TEX15: variants seen among roughly 807,000 people sequenced by gnomAD.
TEX15 encodes testis expressed 15, meiosis and synapsis associated.
A neutral mutation model predicts 237.3 loss-of-function variants in TEX15; 171 were observed. The observed-to-expected ratio is 0.72, with a 90% CI of 0.64 to 0.82. TEX15 has a LOEUF of 0.82. Ranked by LOEUF, TEX15 falls within the 40% of genes least tolerant of loss-of-function variation. The pLI, the probability that TEX15 is intolerant of heterozygous loss-of-function variation, is 0.00. For synonymous variants in TEX15, 1,338 were observed against 1,269.8 expected (o/e 1.05, Z -1.14); for missense variants, 3,750 against 3,646.5 (o/e 1.03, Z -0.73).
chr8:30,900,590 G>T (rs981092363), intron 1 of TEX15, among the ~76,000 whole-genome samples: 4 of 152,214 alleles, frequency 2.6e-5, no homozygotes, highest in African/African-American at 9.6e-5. Context: ...CAACTGTCAT[G>T]TATAAGAAAG....
rs113069357 is a variant in TEX15, at chr8:30,881,357, T to C, written c.136+5810A>G. Among the ~76,000 whole-genome samples, 10 of 152,256 alleles carry C rather than the reference T, an allele frequency of 6.6e-5. 1 individual carries two copies. Among genetic ancestry groups the C allele is most frequent in the African/African-American group, 2.4e-4 (10 of 41,538 alleles). On this transcript the variant is annotated intron_variant, in intron 3 of 10. Coordinates refer to ENST00000643185, the MANE Select transcript of TEX15 (RefSeq NM_001350162.2). Reference sequence around the variant, plus strand: ...GTGAAACCATCTGGGCCTTAAACTTTCCTTTCTAACCATGAATTACATTTA... The same window carrying C: ...GTGAAACCATCTGGGCCTTAAACTTCCCTTTCTAACCATGAATTACATTTA...
intron 1 of TEX15, among the ~76,000 whole-genome samples, chr8:30,899,142 A>C (rs1468602859): frequency 6.6e-6 from 1 of 152,170 alleles, no homozygotes; most frequent in African/African-American, 2.4e-5. Flanking sequence ...TCTACTTGGG[A>C]AAACCACCTG....
intron 1 of TEX15, among the ~76,000 whole-genome samples, chr8:30,904,455 A>T (rs931708799): frequency 2.6e-5 from 4 of 152,080 alleles, no homozygotes; most frequent in African/African-American, 9.7e-5. Context: ...TCAAAAAAAA[A>T]AAAAAAAAAG....
chr8:30,833,111 T>C lies in TEX15; in HGVS notation c.*175A>G, dbSNP rs138430143. 2.7e-3 allele frequency: 1,306 copies of C among 489,566 alleles called. 30 individuals carry two copies. The Admixed American group carries it at 0.038, about 14-fold the overall frequency. 30.3% of individuals were successfully genotyped at this position (489,566 alleles called of 1,614,324 possible). ...ATTCTGGTATATCAGATGTTAGAAATTGATGTCCTATATGATATGTGTTAG... is the reference window on the plus strand; with the variant it reads ...ATTCTGGTATATCAGATGTTAGAAACTGATGTCCTATATGATATGTGTTAG... On this transcript the variant is annotated 3_prime_UTR_variant, in exon 11 of 11. Transcript: ENST00000643185.
At chr8:30,905,498 TA>T (rs1240054130) in intron 1 of TEX15, among the ~76,000 whole-genome samples, 6 of 152,056 alleles carry the variant, frequency 3.9e-5, no homozygotes, top group African/African-American at 1.4e-4. Flanking sequence ...AATTTTCCTC[TA>T]AAAAATTTAG....
At chr8:30,872,994 G>A (rs527271136) in intron 4 of TEX15, among the ~76,000 whole-genome samples, 28 of 152,246 alleles carry the variant, frequency 1.8e-4, no homozygotes, top group African/African-American at 6.5e-4. Flanking sequence ...ACAGGTATAC[G>A]ATATAGTTGA....
chr8:30,843,008 ATTT>A lies in TEX15; in HGVS notation c.7156_7158del (p.Lys2386del). 6.2e-7 allele frequency: 1 copy of A among 1,613,430 alleles called. No individual in the cohort carries two copies. The highest frequency in any genetic ancestry group is 8.5e-7 in the Non-Finnish European group (1 of 1,179,730). On this transcript the variant is annotated inframe_deletion, in exon 8 of 11. Coordinates refer to ENST00000643185, the MANE Select transcript of TEX15 (RefSeq NM_001350162.2). The stretch of plus-strand genomic sequence containing the variant: ...GTACATCTCAAGGTGAGATCCTGTA[ATTT>A]TTTAAGGTCTGCAAATTCAGCCTGA...
At position 30,846,968 on chromosome 8, in the gene TEX15, CTTCTAA is replaced by C. The variant is rs779981318; in HGVS notation, c.3193_3198del (p.Leu1065_Glu1066del). 78 of 1,613,680 alleles carry C rather than the reference CTTCTAA, an allele frequency of 4.8e-5. No homozygotes were observed. The Middle Eastern group carries it at 9.9e-4, about 20-fold the overall frequency. On this transcript the variant is annotated inframe_deletion, in exon 8 of 11. Transcript: ENST00000643185. ...TGAAATATAAAAGCATCATCACAAT[CTTCTAA>C]TTCTATTTCAATTTCACTTTCCAAT...
chr8:30,894,111 T>TA (rs1388640400), intron 2 of TEX15, among the ~76,000 whole-genome samples: 1 of 152,156 alleles, frequency 6.6e-6, no homozygotes, highest in African/African-American at 2.4e-5. Context: ...ATTTGGTTCT[T>TA]AAAAAAATCT....
chr8:30,894,606 G>A (rs2080719), intron 2 of TEX15, among the ~76,000 whole-genome samples: 10,689 of 152,208 alleles, frequency 0.07, 472 homozygotes, highest in African/African-American at 0.092. Context: ...CCATTCAGTG[G>A]GAGAAAGCAC....
chr8:30,849,221 C>T lies in TEX15; in HGVS notation c.946G>A (p.Asp316Asn). The T allele has an allele frequency of 6.5e-7, 1 of 1,536,292 alleles. No individual in the cohort carries two copies. Residue 316 changes from aspartate (D) to asparagine (N), a missense_variant, in exon 8 of 11, where the codon GAT becomes AAT. Asp to Asn is a conservative substitution (Grantham distance 23). Coordinates refer to ENST00000643185, the MANE Select transcript of TEX15 (RefSeq NM_001350162.2). ...VTFVHFKKPVDPFVQENCLCN... is the reference protein window; with the variant it reads ...VTFVHFKKPVNPFVQENCLCN... ...AAACAGTTTTCTTGAACAAATGGAT[C>T]TACAGGTTTCTTGAAATGCACAAAG... is the stretch of plus-strand genomic sequence containing the variant.
chr8:30,848,031 T>C lies in TEX15; in HGVS notation c.2136A>G (p.Gln712=). 6.2e-7 allele frequency: 1 copy of C among 1,613,988 alleles called. No individual in the cohort carries two copies. Among genetic ancestry groups the C allele is most frequent in the Non-Finnish European group, 8.5e-7 (1 of 1,179,962 alleles). ...ACAGGCTCTCAAAACTTGGAGTAAT[T>C]TGCCATTCCAATGCTAGATGATCTA... ...DELDHLALEW[Q]ITPSFESLSQ... is the part of the protein sequence containing the mutation. Residue 712 remains glutamine (Q), a synonymous_variant, in exon 8 of 11, where the codon CAA becomes CAG. Transcript: ENST00000643185.
At chr8:30,862,653 A>G (rs1396591274) in intron 5 of TEX15, among the ~76,000 whole-genome samples, 3 of 152,216 alleles carry the variant, frequency 2.0e-5, no homozygotes, top group Non-Finnish European at 4.4e-5. Flanking sequence ...CACATGAACC[A>G]CTGATTTTCT....
intron 2 of TEX15, among the ~76,000 whole-genome samples, chr8:30,894,866 AACAGACTGTG>A (rs930078333): frequency 6.6e-6 from 1 of 152,214 alleles, no homozygotes; most frequent in African/African-American, 2.4e-5. Flanking sequence ...TACCCTTACA[AACAGACTGTG>A]AAGACCTCCT....
At chr8:30,834,234 G>A (rs1289890242) in intron 10 of TEX15, among the ~76,000 whole-genome samples, 8 of 152,248 alleles carry the variant, frequency 5.3e-5, no homozygotes, top group South Asian at 2.1e-4. Context: ...GTGCAATGGC[G>A]TGATCTCGGC....
At chr8:30,851,714 A>G (rs1261761479) in intron 7 of TEX15, among the ~76,000 whole-genome samples, 1 of 151,972 alleles carries the variant, frequency 6.6e-6, no homozygotes, top group Non-Finnish European at 1.5e-5. Context: ...GACTGGGTGA[A>G]TCTTCTGAGG....
chr8:30,887,917 T>C (rs1808695955), intron 2 of TEX15: 1 of 129,940 alleles, frequency 7.7e-6, no homozygotes, highest in African/African-American at 3.3e-5. Flanking sequence ...TATATATATA[T>C]ATATATATAT....
chr8:30,903,940 G>A (rs1281272302), intron 1 of TEX15, among the ~76,000 whole-genome samples: 1 of 152,206 alleles, frequency 6.6e-6, no homozygotes, highest in African/African-American at 2.4e-5. Context: ...CCCAAACTGA[G>A]TGTATTCTCT....
intron 8 of TEX15, among the ~76,000 whole-genome samples, chr8:30,840,688 T>C (rs1226689554): frequency 6.6e-6 from 1 of 152,190 alleles, no homozygotes; most frequent in Non-Finnish European, 1.5e-5. Flanking sequence ...CTACTACTTA[T>C]TACTATATAT....
Sources: gnomAD v4.1 joint callset for allele counts (sites outside exome capture counted in the v4.1 genomes callset) on GRCh38, gnomAD v4.1.1 for gene constraint, MANE v1.5 for transcripts, NCBI Gene and HGNC (gene_info 2026-07-23, HGNC 2026-07-21) for gene names.